Variants in ATRX observed in about 807,000 individuals in gnomAD.
The protein encoded by ATRX is chromatin remodeler ATRX.
Under a neutral mutation model 172.6 loss-of-function variants are expected in ATRX, and 12 were observed. The ratio of observed to expected loss-of-function variants is 0.07; its 90% CI spans 0.04 to 0.11. ATRX has a LOEUF of 0.11. ATRX is among the 10% of genes least tolerant of loss of function. ATRX has a pLI of 1.00. For missense variants in ATRX, 1,368 were observed against 1,767.4 expected, an observed-to-expected ratio of 0.77 and a Z score of 4.05; for synonymous variants, 674 against 594.7, an observed-to-expected ratio of 1.13 and a Z score of -1.94.
At chrX:77,523,137 G>A in intron 31 of ATRX, 115 bp downstream of exon 31, 1 of 979,152 alleles carries the variant, frequency 1.0e-6, no homozygotes, top group Non-Finnish European at 1.4e-6. Flanking sequence ...TGGGGAATGT[G>A]TTCCTAAAAC....
chrX:77,716,452 T>C lies in ATRX; in HGVS notation c.133+679A>G, dbSNP rs782321615. Reference sequence around the variant, plus strand: ...TACTCAGGGATATTATCAAACAACATAAAAATTTAACTCTTATGTTGGGTG... The same window carrying C: ...TACTCAGGGATATTATCAAACAACACAAAAATTTAACTCTTATGTTGGGTG... On this transcript the variant is annotated intron_variant, in intron 2 of 34. Coordinates refer to ENST00000373344, the MANE Select transcript of ATRX (RefSeq NM_000489.6). Among the ~76,000 whole-genome samples the C allele has an allele frequency of 2.3e-4, 24 of 105,181 alleles. No individual in the cohort carries two copies. The East Asian group carries it at 3.3e-3, about 15-fold the overall frequency. 91.3% of individuals were successfully genotyped at this position (105,181 alleles called of 115,157 possible).
chrX:77,648,890 CAGG>C (rs1557115263), intron 15 of ATRX, among the ~76,000 whole-genome samples: 1 of 110,787 alleles, frequency 9.0e-6, no homozygotes, highest in Non-Finnish European at 1.9e-5. Flanking sequence ...TGGAATATGC[CAGG>C]TGTGGAGGCT....
At chrX:77,593,229 G>GAAAAAAAAAAAAA (rs781904850) in intron 26 of ATRX, among the ~76,000 whole-genome samples, 1 of 55,168 alleles carries the variant, frequency 1.8e-5, no homozygotes, top group Admixed American at 2.3e-4. Context: ...GTCTCATAAT[G>GAAAAAAAAAAAAA]AAAAAAAAAA....
intron 1 of ATRX, among the ~76,000 whole-genome samples, chrX:77,779,091 A>ATTTT (rs1169146207): frequency 8.0e-5 from 5 of 62,751 alleles, no homozygotes; most frequent in Non-Finnish European, 1.2e-4. Flanking sequence ...CCATGCCCGG[A>ATTTT]TTTTTTTTTT....
At chrX:77,707,891 T>C (rs1400668771) in intron 2 of ATRX, among the ~76,000 whole-genome samples, 2 of 112,448 alleles carry the variant, frequency 1.8e-5, no homozygotes, top group African/African-American at 6.5e-5. Flanking sequence ...CTACTTCACA[T>C]GCACTAGAAT....
chrX:77,510,283 AGTG>A (rs1557035986), intron 34 of ATRX, among the ~76,000 whole-genome samples: 2 of 110,463 alleles, frequency 1.8e-5, no homozygotes, highest in South Asian at 3.9e-4. Context: ...AATAACCAGC[AGTG>A]GTACCCAGGC....
intron 25 of ATRX, among the ~76,000 whole-genome samples, chrX:77,598,572 G>C (rs1409407311): frequency 8.9e-6 from 1 of 112,033 alleles, no homozygotes; most frequent in East Asian, 2.8e-4. Flanking sequence ...CTTATAGACA[G>C]TTAACTGCTT....
In ATRX at chrX:77,657,595, A is replaced by G. The variant is rs782704060; in HGVS notation, c.4121-942T>C. Among the ~76,000 whole-genome samples, 5 of 111,751 alleles carry G rather than the reference A, an allele frequency of 4.5e-5. No homozygotes were observed. The South Asian group carries it at 1.1e-3, about 25-fold the overall frequency. On this transcript the variant is annotated intron_variant, in intron 12 of 34. Transcript: ENST00000373344. ...ATTATAACTGGTAAAATAAAAATCT[A>G]TAAGTCATATTGATATAAATAATGC... is the stretch of plus-strand genomic sequence containing the variant.
At chrX:77,519,482 C>T (rs2063156173) in intron 34 of ATRX, among the ~76,000 whole-genome samples, 1 of 111,271 alleles carries the variant, frequency 9.0e-6, no homozygotes, top group Admixed American at 9.6e-5. Flanking sequence ...CGCCTGTAAT[C>T]CCAACACTTT....
intron 30 of ATRX, among the ~76,000 whole-genome samples, chrX:77,532,892 T>A (rs1045777644): frequency 8.9e-6 from 1 of 112,096 alleles, no homozygotes; most frequent in East Asian, 2.8e-4. Context: ...GCAATCTATC[T>A]ATATTACAAA....
intron 22 of ATRX, among the ~76,000 whole-genome samples, chrX:77,613,323 T>C (rs1224692398): frequency 8.1e-5 from 9 of 111,042 alleles, no homozygotes; most frequent in Non-Finnish European, 1.7e-4. Context: ...TACGTTTGAT[T>C]TGCATTCCTC....
At chrX:77,728,546 T>C (rs1311047822) in intron 1 of ATRX, among the ~76,000 whole-genome samples, 1 of 111,433 alleles carries the variant, frequency 9.0e-6, no homozygotes, top group African/African-American at 3.3e-5. Context: ...AAATGTTAAA[T>C]GTGATAGCAT....
Position 77,645,144 on chromosome X carries a change from T to A in ATRX, c.4557+6970A>T, listed in dbSNP as rs6649953. ...AAAAAAAAAGTTAGCTGAGGATTCT[T>A]TTTTCTTTTTTAAAAAATAGACACA... On this transcript the variant is annotated intron_variant, in intron 15 of 34. Coordinates refer to ENST00000373344, the MANE Select transcript of ATRX (RefSeq NM_000489.6). Among the ~76,000 whole-genome samples the A allele has an allele frequency of 8.4e-3, 933 of 111,064 alleles. 13 individuals carry two copies. The highest frequency in any genetic ancestry group is 0.029 in the African/African-American group (893 of 30,515).
chrX:77,569,826 T>G (rs1347539404), intron 28 of ATRX, among the ~76,000 whole-genome samples: 5 of 112,217 alleles, frequency 4.5e-5, no homozygotes, highest in Non-Finnish European at 9.4e-5. Context: ...GCTAAAAGTA[T>G]TACAGTTGAA....
At chrX:77,671,318 C>T (rs189708330) in intron 10 of ATRX, among the ~76,000 whole-genome samples, 61 of 104,118 alleles carry the variant, frequency 5.9e-4, no homozygotes, top group African/African-American at 2.1e-3. Flanking sequence ...GCAAATCCTA[C>T]AATGTGGGTA....
At chrX:77,754,920 AAG>A (rs1453557823) in intron 1 of ATRX, among the ~76,000 whole-genome samples, 2 of 111,578 alleles carry the variant, frequency 1.8e-5, no homozygotes, top group South Asian at 3.7e-4. Context: ...TAATACCCTG[AAG>A]TGTGTTTTCC....
chrX:77,713,715 C>G (rs1202344910), intron 2 of ATRX, among the ~76,000 whole-genome samples: 1 of 111,222 alleles, frequency 9.0e-6, no homozygotes, highest in African/African-American at 3.3e-5. Context: ...AACTAATAAA[C>G]ATAGAAGGAA....
intron 15 of ATRX, among the ~76,000 whole-genome samples, chrX:77,643,700 G>A (rs2068772459): frequency 9.0e-6 from 1 of 111,225 alleles, no homozygotes; most frequent in Non-Finnish European, 1.9e-5. Context: ...CTACAGGTAT[G>A]AGCCACCACA....
chrX:77,645,375 G>C (rs1013178519), intron 15 of ATRX, among the ~76,000 whole-genome samples: 8 of 111,641 alleles, frequency 7.2e-5, no homozygotes, highest in Admixed American at 3.8e-4. Flanking sequence ...CTGGCCTCAA[G>C]TGATCCTCCC....
Sources: allele counts gnomAD v4.1 joint callset (sites outside exome capture counted in the v4.1 genomes callset), GRCh38; gene constraint gnomAD v4.1.1; transcripts MANE v1.5; gene names NCBI Gene and HGNC (gene_info 2026-07-23, HGNC 2026-07-21).